The following SGCZ variants were observed in gnomAD, a reference collection of about 807,000 sequenced individuals.
The protein encoded by SGCZ is zeta-sarcoglycan.
SGCZ carries 40 observed loss-of-function variants against 41.3 expected under a neutral mutation model. That is an observed-to-expected ratio of 0.97 (90% confidence interval 0.75 to 1.26). The LOEUF (loss-of-function observed/expected upper bound fraction) is 1.26, where lower values mean the gene tolerates loss of function less well. Among genes scored for constraint, SGCZ ranks in the 50% most tolerant of loss-of-function variants. The probability of loss-of-function intolerance (pLI) is 0.00; values close to 1 mark genes in which losing one functional copy is unlikely to be tolerated. For missense variants in SGCZ, 552 were observed against 369.8 expected (o/e 1.49, Z -4.04); for synonymous variants, 206 against 137.5 (o/e 1.50, Z -3.49).
chr8:14,090,761 C>G (rs938282992), intron 7 of SGCZ, 124 bp from the exon 8 acceptor site: 1 of 826,564 alleles, frequency 1.2e-6, no homozygotes, highest in Non-Finnish European at 1.8e-6. Flanking sequence ...GGTTTAGCTG[C>G]CATGCTTTGT....
chr8:14,799,103 G>A (rs990443794), intron 1 of SGCZ, among the ~76,000 whole-genome samples: 3 of 151,652 alleles, frequency 2.0e-5, no homozygotes, highest in Non-Finnish European at 4.4e-5. Flanking sequence ...TTTTTTAACT[G>A]TACTTTCAGA....
chr8:14,351,214 T>C (rs555253459), intron 2 of SGCZ, among the ~76,000 whole-genome samples: 4 of 152,316 alleles, frequency 2.6e-5, no homozygotes, highest in African/African-American at 9.6e-5. Flanking sequence ...ACCGGTATTG[T>C]AAGATAAGCC....
chr8:14,676,520 T>A (rs1808284122), intron 1 of SGCZ, among the ~76,000 whole-genome samples: 1 of 152,148 alleles, frequency 6.6e-6, no homozygotes, highest in South Asian at 2.1e-4. Context: ...TCCATCTCTA[T>A]CAGAGTAAAC....
intron 5 of SGCZ, among the ~76,000 whole-genome samples, chr8:14,135,139 G>A (rs961088275): frequency 2.6e-5 from 4 of 152,036 alleles, no homozygotes; most frequent in East Asian, 3.9e-4. Flanking sequence ...ATTCCATTAC[G>A]CTTTCTACTG....
intron 1 of SGCZ, among the ~76,000 whole-genome samples, chr8:14,601,291 G>A (rs1180077210): frequency 6.6e-6 from 1 of 151,970 alleles, no homozygotes; most frequent in Admixed American, 6.6e-5. Context: ...AGTATAAAAA[G>A]TGATTGATTA....
intron 1 of SGCZ, among the ~76,000 whole-genome samples, chr8:14,782,380 T>C (rs1325983945): frequency 6.6e-6 from 1 of 152,204 alleles, no homozygotes; most frequent in Non-Finnish European, 1.5e-5. Context: ...TAAGCTTCTG[T>C]TTTGTTTTGT....
At chr8:14,481,449 G>C (rs1311015615) in intron 2 of SGCZ, among the ~76,000 whole-genome samples, 1 of 152,162 alleles carries the variant, frequency 6.6e-6, no homozygotes, top group African/African-American at 2.4e-5. Context: ...CATGAATTTT[G>C]TGCTTTTTGT....
At chr8:14,159,249 G>C (rs533921156) in intron 5 of SGCZ, among the ~76,000 whole-genome samples, 1 of 151,976 alleles carries the variant, frequency 6.6e-6, no homozygotes, top group Non-Finnish European at 1.5e-5. Flanking sequence ...CCACTTTTTT[G>C]GTGGCTGCAG....
At chr8:14,571,555 C>T (rs1344245226) in intron 1 of SGCZ, among the ~76,000 whole-genome samples, 1 of 152,050 alleles carries the variant, frequency 6.6e-6, no homozygotes, top group Non-Finnish European at 1.5e-5. Context: ...TTTAGATACT[C>T]TCAATGTATA....
intron 4 of SGCZ, among the ~76,000 whole-genome samples, chr8:14,190,922 T>G: frequency 6.6e-6 from 1 of 152,132 alleles, no homozygotes; most frequent in Non-Finnish European, 1.5e-5. Flanking sequence ...AGAATATCCT[T>G]ACTTGTTCCA....
chr8:15,034,634 C>T (rs1392921966), intron 1 of SGCZ, among the ~76,000 whole-genome samples: 1 of 152,030 alleles, frequency 6.6e-6, no homozygotes, highest in Non-Finnish European at 1.5e-5. Flanking sequence ...AGATTCAATC[C>T]AAGCAAGACT....
At chr8:14,674,044 G>A in intron 1 of SGCZ, among the ~76,000 whole-genome samples, 1 of 152,040 alleles carries the variant, frequency 6.6e-6, no homozygotes, top group Middle Eastern at 3.2e-3. Flanking sequence ...TGGAGATGAA[G>A]TTCGATGAAT....
At chr8:14,938,919 T>C (rs1800174918) in intron 1 of SGCZ, among the ~76,000 whole-genome samples, 1 of 152,090 alleles carries the variant, frequency 6.6e-6, no homozygotes, top group African/African-American at 2.4e-5. Flanking sequence ...GCTGAACCTA[T>C]GGATTCAAAG....
chr8:14,614,435 G>A (rs1806029230), intron 1 of SGCZ, among the ~76,000 whole-genome samples: 2 of 152,090 alleles, frequency 1.3e-5, no homozygotes, highest in South Asian at 2.1e-4. Flanking sequence ...TTCTGTATAT[G>A]CATTAACAGG....
At chr8:14,092,014 C>T (rs1178084109) in intron 7 of SGCZ, among the ~76,000 whole-genome samples, 1 of 152,070 alleles carries the variant, frequency 6.6e-6, no homozygotes, top group Non-Finnish European at 1.5e-5. Context: ...AGGAAGGGAT[C>T]CAGGTTCAGC....
At chr8:15,145,560 G>A (rs1799013471) in intron 1 of SGCZ, among the ~76,000 whole-genome samples, 1 of 152,130 alleles carries the variant, frequency 6.6e-6, no homozygotes, top group Non-Finnish European at 1.5e-5. Context: ...TGGAACTCCT[G>A]GATTTGAGTA....
chr8:14,117,356 G>GGT (rs1554460512), intron 5 of SGCZ, among the ~76,000 whole-genome samples: 1,710 of 143,480 alleles, frequency 0.012, 33 homozygotes, highest in Middle Eastern at 0.026. Flanking sequence ...AATAGGTAGT[G>GGT]TTTTTTTTTT....
intron 2 of SGCZ, among the ~76,000 whole-genome samples, chr8:14,480,655 T>G (rs1312727742): frequency 1.3e-5 from 2 of 152,148 alleles, no homozygotes; most frequent in East Asian, 3.8e-4. Flanking sequence ...ACAAAAAACT[T>G]ATGCTTATTC....
At chr8:15,147,467 G>A (rs557788082) in intron 1 of SGCZ, among the ~76,000 whole-genome samples, 15 of 152,226 alleles carry the variant, frequency 9.9e-5, no homozygotes, top group East Asian at 3.9e-4. Context: ...TAGTGGAGAC[G>A]GGGATTCTCC....
Sources: allele counts gnomAD v4.1 joint callset (sites outside exome capture counted in the v4.1 genomes callset), GRCh38; gene constraint gnomAD v4.1.1; transcripts MANE v1.5; gene names NCBI Gene and HGNC (gene_info 2026-07-23, HGNC 2026-07-21).